The following KLKB1 variants were observed in gnomAD, a reference collection of about 807,000 sequenced individuals.
The protein encoded by KLKB1 is kallikrein B1.
A neutral mutation model predicts 73.6 loss-of-function variants in KLKB1; 58 were observed. The ratio of observed to expected loss-of-function variants is 0.79; its 90% CI spans 0.64 to 0.98. The LOEUF is 0.98. Among genes scored for constraint, KLKB1 ranks in the 50% least tolerant of loss-of-function variants. The probability of loss-of-function intolerance (pLI) is 0.00; values close to 1 mark genes in which losing one functional copy is unlikely to be tolerated. For synonymous variants in KLKB1, 280 were observed against 258.1 expected (o/e 1.08, Z -0.81); for missense variants, 737 against 763.8 (o/e 0.96, Z 0.41).
At chr4:186,225,788 G>T (rs1737149822), upstream of KLKB1, among the ~76,000 whole-genome samples, 1 of 151,910 alleles carries the variant, frequency 6.6e-6, no homozygotes, top group African/African-American at 2.4e-5. Context: ...CATAAATCTG[G>T]ATGTTTATTT....
chr4:186,244,432 G>A (rs1000748487), intron 6 of KLKB1, among the ~76,000 whole-genome samples: 1 of 152,214 alleles, frequency 6.6e-6, no homozygotes, highest in African/African-American at 2.4e-5. Context: ...TAATGGATGA[G>A]GAAGAAATTT....
chr4:186,241,150 C>T (rs756931880), intron 6 of KLKB1, among the ~76,000 whole-genome samples: 7 of 152,170 alleles, frequency 4.6e-5, no homozygotes, highest in Non-Finnish European at 1.0e-4. Flanking sequence ...CCTCAGGGAA[C>T]ACCCAGTAGC....
intron 10 of KLKB1, 52 bp downstream of exon 10, chr4:186,251,913 T>C (rs1182574356): frequency 1.3e-6 from 2 of 1,599,844 alleles, no homozygotes; most frequent in Non-Finnish European, 1.7e-6. Context: ...GTCATGTTGA[T>C]AGTTTGCTTA....
In KLKB1 at chr4:186,232,234, A is replaced by G; in HGVS notation, c.166A>G (p.Arg56Gly). ...YCQMRCTFHPRCLLFSFLPAS... is the reference protein window; with the variant it reads ...YCQMRCTFHPGCLLFSFLPAS... ...CCAGATGAGGTGCACATTCCACCCA[A>G]GGTGTTTGCTATTCAGTTTTCTTCC... is the stretch of plus-strand genomic sequence containing the variant. The change falls in exon 3 of 15, where the codon AGG (arginine) becomes GGG (glycine). Residue 56 changes from arginine (R) to glycine (G), a missense_variant. Physicochemically the swap from Arg to Gly is moderately radical, Grantham distance 125. Transcript: ENST00000264690. 6.2e-7 allele frequency: 1 copy of G among 1,614,112 alleles called. No homozygotes were observed. The highest frequency in any genetic ancestry group is 8.5e-7 in the Non-Finnish European group (1 of 1,179,968).
intron 1 of KLKB1, 56 bp from the exon 2 acceptor site, chr4:186,228,139 A>T (rs1173939982): frequency 6.1e-6 from 6 of 990,398 alleles, no homozygotes; most frequent in Admixed American, 1.8e-5. Flanking sequence ...TTAAATTAAG[A>T]TTTATGTTAA....
rs4253382 is a variant in KLKB1 at position 186,253,314 on chromosome 4, A to T, written c.1313+1129A>T. On this transcript the variant is annotated intron_variant, in intron 11 of 14. Transcript: ENST00000264690. Reference sequence around the variant, plus strand: ...TTGTTTTAGTGAAATTCATGCTTACATGCTGTATACTAGGATTGAACATAC... The same window carrying T: ...TTGTTTTAGTGAAATTCATGCTTACTTGCTGTATACTAGGATTGAACATAC... 9.7e-3 allele frequency among the ~76,000 whole-genome samples: 1,478 copies of T among 152,324 alleles called. 23 individuals carry two copies. Among genetic ancestry groups the T allele is most frequent in the African/African-American group, 0.034 (1,409 of 41,558 alleles).
intron 2 of KLKB1, 24 bp downstream of exon 2, chr4:186,228,277 TG>T (rs761842099): frequency 6.6e-7 from 1 of 1,511,234 alleles, no homozygotes; most frequent in Non-Finnish European, 9.2e-7. Context: ...CTATAAAACA[TG>T]GAATTCAGGC....
At chr4:186,212,022 A>G (rs970704626) in intron 2 of KLKB1, 2 of 152,134 alleles carry the variant, frequency 1.3e-5, no homozygotes, top group Non-Finnish European at 2.9e-5. Context: ...AGCTAGAAGG[A>G]CTTTAGAACT....
At chr4:186,228,894 C>A (rs1737266787) in intron 2 of KLKB1, 1 of 152,232 alleles carries the variant, frequency 6.6e-6, no homozygotes, top group Admixed American at 6.5e-5. Context: ...TGTGTCCCCA[C>A]AAGGCATGAT....
Position 186,238,259 on chromosome 4 carries a change from C to A in KLKB1, c.492C>A (p.Asn164Lys). The A allele has an allele frequency of 6.2e-7, 1 of 1,606,616 alleles. No individual in the cohort carries two copies. Among genetic ancestry groups the A allele is most frequent in the Non-Finnish European group, 8.5e-7 (1 of 1,173,184 alleles). ...AACCTCTTTTCTTCCCATTCAGGAA[C>A]AATTGCCTATTAAAGTACAGTCCCG... Reference protein sequence around the residue: ...TQTFHKAEYRNNCLLKYSPGG... With the variant: ...TQTFHKAEYRKNCLLKYSPGG... The change falls in exon 6 of 15, where the codon AAC (asparagine) becomes AAA (lysine). Residue 164 changes from asparagine to lysine, a missense_variant. Coordinates refer to ENST00000264690, the MANE Select transcript of KLKB1 (RefSeq NM_000892.5).
In KLKB1 at chr4:186,252,321, A is replaced by C. The variant is rs1738726639; in HGVS notation, c.1313+136A>C. 11 of 975,234 alleles carry C rather than the reference A, an allele frequency of 1.1e-5. No individual in the cohort carries two copies. The South Asian group carries it at 1.4e-4, about 13-fold the overall frequency. 60.4% of individuals were successfully genotyped at this position (975,234 alleles called of 1,614,324 possible). On this transcript the variant is annotated intron_variant, in intron 11 of 14. Transcript: ENST00000264690. ...GCGGGGATGGTATTCACAACATTTA[A>C]CTTATAGGGTCCAAGCACTGACCAA... is the stretch of plus-strand genomic sequence containing the variant.
chr4:186,250,399 A>C lies in KLKB1; in HGVS notation c.755A>C (p.Gln252Pro), dbSNP rs781072006. 1 of 1,613,828 alleles carries C rather than the reference A, an allele frequency of 6.2e-7. No individual in the cohort carries two copies. Among genetic ancestry groups the C allele is most frequent in the Non-Finnish European group, 8.5e-7 (1 of 1,179,720 alleles). Residue 252 changes from glutamine to proline, a missense_variant, in exon 7 of 15, where the codon CAA (glutamine) becomes CCA (proline). Transcript: ENST00000264690. ...ACAAATGTATGGAAAATCGAGTCAC[A>C]AAGGCGAGTATGCATGGAAAATCGC... ...FYTNVWKIES[Q>P]RNVCLLKTSE...
At chr4:186,220,191 C>A (rs1403188513) in intron 2 of KLKB1, among the ~76,000 whole-genome samples, 4 of 152,040 alleles carry the variant, frequency 2.6e-5, no homozygotes, top group African/African-American at 7.2e-5. Flanking sequence ...TCCACTTCTG[C>A]CCCTTGATTC....
chr4:186,234,440 T>C (rs1190306803), intron 4 of KLKB1, among the ~76,000 whole-genome samples: 1 of 152,202 alleles, frequency 6.6e-6, no homozygotes, highest in Non-Finnish European at 1.5e-5. Context: ...ATTTTGTCTC[T>C]TCCACTGGGG....
intron 4 of KLKB1, among the ~76,000 whole-genome samples, chr4:186,234,700 A>G (rs1286042693): frequency 1.3e-5 from 2 of 152,208 alleles, no homozygotes; most frequent in Non-Finnish European, 2.9e-5. Context: ...AATACTTCCT[A>G]AAGGAAACTT....
At chr4:186,236,060 G>T in intron 4 of KLKB1, among the ~76,000 whole-genome samples, 1 of 146,962 alleles carries the variant, frequency 6.8e-6, no homozygotes, top group South Asian at 2.1e-4. Context: ...CTTGCAGTGA[G>T]TCGAGATCGC....
intron 2 of KLKB1, chr4:186,210,859 T>G: frequency 2.0e-6 from 1 of 503,480 alleles, no homozygotes; most frequent in Non-Finnish European, 3.5e-6. Flanking sequence ...TTTGAAACCG[T>G]GTCTCACTCT....
At chr4:186,246,634 G>A (rs1443207186) in intron 6 of KLKB1, among the ~76,000 whole-genome samples, 1 of 152,178 alleles carries the variant, frequency 6.6e-6, no homozygotes, top group African/African-American at 2.4e-5. Flanking sequence ...CATAGGCTAA[G>A]GGAGAAGAAG....
At chr4:186,245,514 G>A (rs1346993837) in intron 6 of KLKB1, among the ~76,000 whole-genome samples, 1 of 152,200 alleles carries the variant, frequency 6.6e-6, no homozygotes, top group Non-Finnish European at 1.5e-5. Flanking sequence ...CACAGCTTAG[G>A]AGGAATCCCA....
Sources: allele counts gnomAD v4.1 joint callset (sites outside exome capture counted in the v4.1 genomes callset), GRCh38; gene constraint gnomAD v4.1.1; transcripts MANE v1.5; gene names NCBI Gene and HGNC (gene_info 2026-07-23, HGNC 2026-07-21).